Variants in PIK3CB observed in about 807,000 individuals in gnomAD.
The protein encoded by PIK3CB is phosphatidylinositol-4,5-bisphosphate 3-kinase catalytic subunit beta.
A neutral mutation model predicts 136.8 loss-of-function variants in PIK3CB; 39 were observed. That is an observed-to-expected ratio of 0.29 (90% CI 0.22 to 0.37). PIK3CB has a LOEUF of 0.37. Ranked by LOEUF, PIK3CB falls within the 10% of genes least tolerant of loss-of-function variation. The pLI, the probability that PIK3CB is intolerant of heterozygous loss-of-function variation, is 1.00. For synonymous variants in PIK3CB, 428 were observed against 436.6 expected (o/e 0.98, Z 0.25); for missense variants, 868 against 1,275.4 (o/e 0.68, Z 4.87).
chr3:138,714,822 A>C, intron 8 of PIK3CB, 103 bp from the exon 9 acceptor site: 1 of 1,097,664 alleles, frequency 9.1e-7, no homozygotes, highest in Non-Finnish European at 1.3e-6. Context: ...AAACATCTTT[A>C]TTTTGGAGAA....
intron 2 of PIK3CB, among the ~76,000 whole-genome samples, chr3:138,762,760 C>G (rs1355211552): frequency 1.3e-5 from 2 of 152,090 alleles, no homozygotes; most frequent in African/African-American, 4.8e-5. Flanking sequence ...GAGTTTGAGA[C>G]CAGCCTGGGC....
intron 2 of PIK3CB, among the ~76,000 whole-genome samples, chr3:138,770,743 G>GAGT (rs1178247962): frequency 6.6e-6 from 1 of 151,916 alleles, no homozygotes; most frequent in African/African-American, 2.4e-5. Context: ...ACTAAGTCTT[G>GAGT]CTCTGTCACC....
chr3:138,791,992 G>A (rs1381318898), intron 2 of PIK3CB, among the ~76,000 whole-genome samples: 3 of 152,036 alleles, frequency 2.0e-5, no homozygotes, highest in South Asian at 2.1e-4. Context: ...GTTCTATATC[G>A]GTGGGTTCCA....
intron 2 of PIK3CB, among the ~76,000 whole-genome samples, chr3:138,763,020 A>G (rs1408544610): frequency 6.6e-6 from 1 of 152,082 alleles, no homozygotes; most frequent in Non-Finnish European, 1.5e-5. Flanking sequence ...TTCAAATACC[A>G]CCATGCAAAG....
At chr3:138,827,518 A>G (rs908820039) in intron 1 of PIK3CB, among the ~76,000 whole-genome samples, 6 of 149,514 alleles carry the variant, frequency 4.0e-5, no homozygotes, top group Non-Finnish European at 4.4e-5. Flanking sequence ...TTTTTTTTTT[A>G]GTTAGCCAGG....
At chr3:138,777,435 A>G (rs955289149) in intron 2 of PIK3CB, among the ~76,000 whole-genome samples, 21 of 152,208 alleles carry the variant, frequency 1.4e-4, no homozygotes, top group Admixed American at 6.5e-4. Context: ...GGGAGAGGCC[A>G]AGGATAAGTG....
At chr3:138,820,787 C>T (rs962467425) in intron 1 of PIK3CB, among the ~76,000 whole-genome samples, 12 of 152,180 alleles carry the variant, frequency 7.9e-5, no homozygotes, top group African/African-American at 2.2e-4. Flanking sequence ...AGCCACCGTG[C>T]CTGGTCCACT....
chr3:138,774,388 C>A (rs1435511642), intron 2 of PIK3CB, among the ~76,000 whole-genome samples: 1 of 152,184 alleles, frequency 6.6e-6, no homozygotes, highest in Non-Finnish European at 1.5e-5. Context: ...TTGTGGCTCA[C>A]TGGATACACT....
At chr3:138,700,330 G>A (rs946327817) in intron 12 of PIK3CB, among the ~76,000 whole-genome samples, 12 of 152,112 alleles carry the variant, frequency 7.9e-5, no homozygotes, top group Non-Finnish European at 1.0e-4. Context: ...GAAACTCTCC[G>A]GAGAAATGCC....
chr3:138,780,106 C>T (rs1431495567), intron 2 of PIK3CB, among the ~76,000 whole-genome samples: 2 of 150,472 alleles, frequency 1.3e-5, no homozygotes, highest in African/African-American at 4.9e-5. Flanking sequence ...TACAGGCACA[C>T]ATCACCACAC....
intron 19 of PIK3CB, among the ~76,000 whole-genome samples, chr3:138,674,701 A>C (rs967157347): frequency 6.6e-5 from 10 of 152,212 alleles, no homozygotes; most frequent in Non-Finnish European, 1.3e-4. Flanking sequence ...TCAACTTATT[A>C]CACAAAGATT....
chr3:138,823,669 C>G (rs1933658824), intron 1 of PIK3CB, among the ~76,000 whole-genome samples: 1 of 152,120 alleles, frequency 6.6e-6, no homozygotes, highest in South Asian at 2.1e-4. Context: ...CGCCACTGCA[C>G]TCCAGCCTGG....
intron 19 of PIK3CB, among the ~76,000 whole-genome samples, chr3:138,679,616 C>A (rs1289002870): frequency 6.6e-6 from 1 of 151,342 alleles, no homozygotes; most frequent in South Asian, 2.1e-4. Context: ...TAGGGTCTCA[C>A]TTTGTCACAC....
chr3:138,681,929 G>T (rs1468974612), intron 19 of PIK3CB, 38 bp downstream of exon 19: 5 of 1,238,090 alleles, frequency 4.0e-6, no homozygotes, highest in Non-Finnish European at 5.7e-6. Flanking sequence ...GCTATGGGAA[G>T]ACATTAGACT....
At position 138,733,096 on chromosome 3, in the gene PIK3CB, A is replaced by T. The variant is rs562438906; in HGVS notation, c.1050+265T>A. ...TATATTTCTTCTATATAATATATAGAAGAAATATGTAATATATACTGGAAA... is the reference window on the plus strand; with the variant it reads ...TATATTTCTTCTATATAATATATAGTAGAAATATGTAATATATACTGGAAA... On this transcript the variant is annotated intron_variant, in intron 8 of 23. Transcript: ENST00000674063. Among the ~76,000 whole-genome samples the T allele has an allele frequency of 3.6e-3, 537 of 150,952 alleles. 2 individuals are homozygous for T. Among genetic ancestry groups the T allele is most frequent in the Non-Finnish European group, 5.5e-3 (370 of 67,728 alleles).
intron 2 of PIK3CB, among the ~76,000 whole-genome samples, chr3:138,773,420 T>C (rs2045823284): frequency 6.6e-6 from 1 of 151,920 alleles, no homozygotes. Context: ...TAAAGATAAA[T>C]TTAGACATAT....
chr3:138,713,839 C>T (rs1363350371), intron 9 of PIK3CB, among the ~76,000 whole-genome samples: 1 of 152,046 alleles, frequency 6.6e-6, no homozygotes, highest in East Asian at 1.9e-4. Flanking sequence ...GAAAGTATGA[C>T]AACAGGTCCA....
chr3:138,695,889 G>A (rs902774228), intron 13 of PIK3CB, among the ~76,000 whole-genome samples: 2 of 150,596 alleles, frequency 1.3e-5, no homozygotes, highest in Non-Finnish European at 3.0e-5. Context: ...CCGAGTAGCT[G>A]GGATTACAGG....
At chr3:138,731,902 G>A (rs1351621676) in intron 8 of PIK3CB, among the ~76,000 whole-genome samples, 1 of 151,740 alleles carries the variant, frequency 6.6e-6, no homozygotes, top group African/African-American at 2.4e-5. Flanking sequence ...AGAATTGCTT[G>A]AACCCGGGAG....
Sources: gnomAD v4.1 joint callset for allele counts (sites outside exome capture counted in the v4.1 genomes callset) on GRCh38, gnomAD v4.1.1 for gene constraint, MANE v1.5 for transcripts, NCBI Gene and HGNC (gene_info 2026-07-23, HGNC 2026-07-21) for gene names.